The following HECW1 variants were observed in gnomAD, a reference collection of about 807,000 sequenced individuals.
HECW1 encodes the protein HECT, C2 and WW domain containing E3 ubiquitin protein ligase 1, also known as E3 ubiquitin-protein ligase HECW1.
HECW1 carries 61 observed loss-of-function variants against 182.3 expected under a neutral mutation model. The ratio of observed to expected loss-of-function variants is 0.33; its 90% confidence interval spans 0.27 to 0.41. The LOEUF (loss-of-function observed/expected upper bound fraction) is 0.41. Ranked by LOEUF, HECW1 falls within the 10% of genes least tolerant of loss-of-function variation. The pLI, the probability that HECW1 is intolerant of heterozygous loss-of-function variation, is 1.00. For missense variants in HECW1, 1,739 were observed against 2,108.9 expected, an observed-to-expected ratio of 0.82 and a Z score of 3.44; for synonymous variants, 859 against 832.6, an observed-to-expected ratio of 1.03 and a Z score of -0.55.
At chr7:43,274,310 T>G in intron 3 of HECW1, 1 of 1,038,826 alleles carries the variant, frequency 9.6e-7, no homozygotes, top group East Asian at 2.6e-5. Context: ...GTATCTCAGT[T>G]AAAGAAGATG....
chr7:43,211,343 T>C (rs1795989424), intron 2 of HECW1, among the ~76,000 whole-genome samples: 1 of 152,206 alleles, frequency 6.6e-6, no homozygotes. Context: ...TTGTTTAAGT[T>C]CCATCTGACA....
intron 2 of HECW1, among the ~76,000 whole-genome samples, chr7:43,205,107 G>A (rs999079229): frequency 4.6e-5 from 7 of 151,458 alleles, no homozygotes; most frequent in African/African-American, 1.5e-4. Flanking sequence ...TTTTGGAAAT[G>A]GAGTCTCGCA....
chr7:43,300,458 A>C (rs987721018), intron 3 of HECW1, among the ~76,000 whole-genome samples: 1 of 152,186 alleles, frequency 6.6e-6, no homozygotes, highest in Non-Finnish European at 1.5e-5. Flanking sequence ...TCTCCTTTCA[A>C]GGGTGGAAGA....
rs111425350 is a variant in HECW1 at position 43,362,735 on chromosome 7, C to T, written c.555+1755C>T. ...GCTAGGGAGACAGAGCAGGAAGGCA[C>T]TGAGCACACAACAGGCAGAGAAGGA... On this transcript the variant is annotated intron_variant, in intron 6 of 29. Coordinates refer to ENST00000395891, the MANE Select transcript of HECW1 (RefSeq NM_015052.5). Among the ~76,000 whole-genome samples the T allele has an allele frequency of 5.7e-3, 866 of 152,332 alleles. 9 individuals carry two copies. The highest frequency in any genetic ancestry group is 0.02 in the African/African-American group (829 of 41,576).
At chr7:43,168,897 G>A (rs1791399755) in intron 2 of HECW1, among the ~76,000 whole-genome samples, 1 of 152,014 alleles carries the variant, frequency 6.6e-6, no homozygotes. Context: ...CATTTAAGGG[G>A]GGCAGGAAAT....
At chr7:43,348,295 G>C (rs1259253759) in intron 5 of HECW1, among the ~76,000 whole-genome samples, 1 of 151,996 alleles carries the variant, frequency 6.6e-6, no homozygotes, top group Non-Finnish European at 1.5e-5. Context: ...TCTAGTTTAT[G>C]TGCATAAAGG....
chr7:43,360,964 A>G lies in HECW1; in HGVS notation c.539A>G (p.Lys180Arg). The G allele has an allele frequency of 6.2e-7, 1 of 1,611,092 alleles. No individual in the cohort carries two copies. Among genetic ancestry groups the G allele is most frequent in the East Asian group, 2.2e-5 (1 of 44,872 alleles). Residue 180 changes from lysine to arginine, a missense_variant, in exon 6 of 30, where the codon AAA becomes AGA. Transcript: ENST00000395891. Reference protein sequence around the residue: ...LRATTPSVTVKNSAAPIFKSI... With the variant: ...LRATTPSVTVRNSAAPIFKSI... Reference sequence around the variant, plus strand: ...GCAACCACCCCCAGTGTCACGGTCAAAAACTCGGCAGCTCCTGTAAGTCTC... The same window carrying G: ...GCAACCACCCCCAGTGTCACGGTCAGAAACTCGGCAGCTCCTGTAAGTCTC...
chr7:43,227,928 T>G (rs776836991), intron 2 of HECW1, among the ~76,000 whole-genome samples: 1 of 152,206 alleles, frequency 6.6e-6, no homozygotes, highest in Non-Finnish European at 1.5e-5. Flanking sequence ...GTTATTCACA[T>G]GCACCCAAAT....
intron 24 of HECW1, among the ~76,000 whole-genome samples, chr7:43,520,111 T>C (rs1464498970): frequency 7.2e-5 from 11 of 152,228 alleles, no homozygotes; most frequent in Admixed American, 7.2e-4. Context: ...GTCTTAGATA[T>C]GCATTCATCA....
Position 43,507,212 on chromosome 7 carries a change from G to A in HECW1, c.3707G>A (p.Arg1236Lys), listed in dbSNP as rs776801908. Residue 1236 changes from arginine to lysine, a missense_variant, in exon 22 of 30, where the codon AGA becomes AAA. Physicochemically the swap from Arg to Lys is conservative, Grantham distance 26. This residue lies in a region of HECW1 where 420 missense variants were observed against 595.7 expected (regional missense o/e 0.71). Transcript: ENST00000395891. ...GAGGCCAAGCTCCGCAATTTCTACAGAAAACTGGAAGCCAAAGGATTTGGT... is the reference window on the plus strand; with the variant it reads ...GAGGCCAAGCTCCGCAATTTCTACAAAAAACTGGAAGCCAAAGGATTTGGT... ...DFEAKLRNFY[R>K]KLEAKGFGQG... The A allele has an allele frequency of 2.0e-5, 32 of 1,613,910 alleles. No homozygotes were observed. The highest frequency in any genetic ancestry group is 2.5e-5 in the Non-Finnish European group (29 of 1,179,906).
intron 24 of HECW1, 118 bp downstream of exon 24, chr7:43,509,239 A>G: frequency 2.3e-6 from 2 of 882,572 alleles, no homozygotes; most frequent in Non-Finnish European, 3.5e-6. Flanking sequence ...GTTATGAGGG[A>G]TGAGAGTGAA....
At chr7:43,231,841 C>T (rs1197067473) in intron 2 of HECW1, among the ~76,000 whole-genome samples, 1 of 151,336 alleles carries the variant, frequency 6.6e-6, no homozygotes, top group Non-Finnish European at 1.5e-5. Context: ...ACAGTGAAAC[C>T]CTGTCTCTAC....
intron 3 of HECW1, among the ~76,000 whole-genome samples, chr7:43,253,218 C>CTT (rs1800219809): frequency 6.6e-6 from 1 of 152,068 alleles, no homozygotes; most frequent in Admixed American, 6.6e-5. Context: ...TTCCTCCTTT[C>CTT]TTGAATGAGG....
chr7:43,203,608 C>A (rs1277965122), intron 2 of HECW1, among the ~76,000 whole-genome samples: 1 of 152,160 alleles, frequency 6.6e-6, no homozygotes, highest in Non-Finnish European at 1.5e-5. Flanking sequence ...TAGGCACCTG[C>A]CACCATACCC....
At position 43,186,272 on chromosome 7, in the gene HECW1, T is replaced by C. The variant is rs190037851; in HGVS notation, c.-31-57603T>C. ...CATTATCTGTTTGTGCTTTATAAAT[T>C]ACCTAAAAGTTAGTAGCTTAAAGTA... On this transcript the variant is annotated intron_variant, in intron 2 of 29. Transcript: ENST00000395891. Among the ~76,000 whole-genome samples the C allele has an allele frequency of 8.3e-4, 127 of 152,350 alleles. 1 individual carries two copies. The highest frequency in any genetic ancestry group is 3.0e-3 in the African/African-American group (125 of 41,584).
At chr7:43,292,734 T>C (rs908895957) in intron 3 of HECW1, among the ~76,000 whole-genome samples, 1 of 152,178 alleles carries the variant, frequency 6.6e-6, no homozygotes, top group African/African-American at 2.4e-5. Flanking sequence ...AAGTTATGCA[T>C]GTGAGGCAAA....
intron 6 of HECW1, among the ~76,000 whole-genome samples, chr7:43,369,558 A>C (rs1817070247): frequency 6.6e-6 from 1 of 152,224 alleles, no homozygotes; most frequent in African/African-American, 2.4e-5. Context: ...AATCTTTGGC[A>C]GCACTATGAA....
At chr7:43,337,085 T>C (rs538044190) in intron 5 of HECW1, among the ~76,000 whole-genome samples, 1 of 152,320 alleles carries the variant, frequency 6.6e-6, no homozygotes, top group Admixed American at 6.5e-5. Context: ...GATCTAATGG[T>C]AGTTCTATTT....
chr7:43,233,949 C>T (rs77737235), intron 2 of HECW1, among the ~76,000 whole-genome samples: 6 of 152,302 alleles, frequency 3.9e-5, no homozygotes, highest in East Asian at 3.9e-4. Context: ...GCTTCTGGTA[C>T]GGGAAAGATA....
Sources: gnomAD v4.1 joint callset for allele counts (sites outside exome capture counted in the v4.1 genomes callset) on GRCh38, gnomAD v4.1.1 for gene constraint, gnomAD v4.1.1 regional missense constraint, MANE v1.5 for transcripts, NCBI Gene and HGNC (gene_info 2026-07-23, HGNC 2026-07-21) for gene names.